PBX3: variants seen among roughly 807,000 people sequenced by gnomAD.
PBX3 encodes PBX homeobox 3.
Under a neutral mutation model 48.5 loss-of-function variants are expected in PBX3, and 14 were observed. The ratio of observed to expected loss-of-function variants is 0.29; its 90% CI spans 0.19 to 0.45. The LOEUF (loss-of-function observed/expected upper bound fraction) is 0.45, where lower values mean the gene tolerates loss of function less well. PBX3 is among the 20% of genes least tolerant of loss of function. PBX3 has a pLI of 1.00. For synonymous variants in PBX3, 210 were observed against 200.3 expected (o/e 1.05, Z -0.41); for missense variants, 386 against 546.7 (o/e 0.71, Z 2.93).
chr9:125,843,905 T>C (rs138967507), intron 2 of PBX3: 1 of 428,056 alleles, frequency 2.3e-6, no homozygotes, highest in African/African-American at 2.0e-5. Flanking sequence ...TAATGTAGTA[T>C]GGAGAGATGA....
Position 125,825,595 on chromosome 9 carries a change from T to G in PBX3, c.274+76972T>G, listed in dbSNP as rs971703890. Among the ~76,000 whole-genome samples, 55 of 152,270 alleles carry G rather than the reference T, an allele frequency of 3.6e-4. 1 individual carries two copies. Among genetic ancestry groups the G allele is most frequent in the African/African-American group, 1.3e-3 (53 of 41,558 alleles). ...ATGCTTCACGTAGCCTGTTGTCAACTTCATTGTATACTCATGAACAAATTA... is the reference window on the plus strand; with the variant it reads ...ATGCTTCACGTAGCCTGTTGTCAACGTCATTGTATACTCATGAACAAATTA... On this transcript the variant is annotated intron_variant, in intron 2 of 8. Coordinates refer to ENST00000373489, the MANE Select transcript of PBX3 (RefSeq NM_006195.6).
chr9:125,931,701 C>G (rs944414120), intron 4 of PBX3, among the ~76,000 whole-genome samples: 10 of 152,092 alleles, frequency 6.6e-5, no homozygotes, highest in African/African-American at 2.4e-4. Flanking sequence ...CCCAATTGAG[C>G]TTATATTCTA....
At chr9:125,920,825 C>T (rs1056023910) in intron 3 of PBX3, among the ~76,000 whole-genome samples, 2 of 152,120 alleles carry the variant, frequency 1.3e-5, no homozygotes, top group Non-Finnish European at 2.9e-5. Context: ...AATCAGGTAG[C>T]GTTTGGCTAC....
At chr9:125,961,588 G>A (rs990175878) in intron 6 of PBX3, among the ~76,000 whole-genome samples, 6 of 152,184 alleles carry the variant, frequency 3.9e-5, no homozygotes, top group Non-Finnish European at 7.3e-5. Context: ...CAGAAAGTAG[G>A]GGGGTTTTTG....
intron 2 of PBX3, among the ~76,000 whole-genome samples, chr9:125,876,802 C>CTTTTTT (rs59596389): frequency 7.8e-6 from 1 of 128,972 alleles, no homozygotes; most frequent in Non-Finnish European, 1.7e-5. Context: ...TTCTTTCTTT[C>CTTTTTT]TTTTTTTTTT....
chr9:125,899,483 A>C (rs910664544), intron 2 of PBX3, among the ~76,000 whole-genome samples: 13 of 143,968 alleles, frequency 9.0e-5, no homozygotes, highest in African/African-American at 2.9e-4. Context: ...AGAGAGAGAG[A>C]GAGAGCTCAC....
chr9:125,811,210 G>A (rs1305975213), intron 2 of PBX3, among the ~76,000 whole-genome samples: 1 of 152,196 alleles, frequency 6.6e-6, no homozygotes, highest in Non-Finnish European at 1.5e-5. Context: ...GTTAGCATAT[G>A]GAAAATCAGT....
intron 2 of PBX3, among the ~76,000 whole-genome samples, chr9:125,813,487 C>T (rs528905305): frequency 1.3e-5 from 2 of 152,172 alleles, no homozygotes; most frequent in East Asian, 1.9e-4. Flanking sequence ...GTCATTTAAA[C>T]GCATCAAGAT....
At chr9:125,819,610 A>G (rs1162435341) in intron 2 of PBX3, among the ~76,000 whole-genome samples, 1 of 152,196 alleles carries the variant, frequency 6.6e-6, no homozygotes, top group Non-Finnish European at 1.5e-5. Context: ...TACTACTGAT[A>G]TCTTCCCTGC....
chr9:125,836,337 T>G (rs1478996323), intron 2 of PBX3, among the ~76,000 whole-genome samples: 1 of 151,902 alleles, frequency 6.6e-6, no homozygotes, highest in Non-Finnish European at 1.5e-5. Flanking sequence ...CCCAGCTACT[T>G]GGGAGCCTGA....
chr9:125,907,959 G>T (rs1841115178), intron 2 of PBX3, among the ~76,000 whole-genome samples: 1 of 152,092 alleles, frequency 6.6e-6, no homozygotes, highest in South Asian at 2.1e-4. Flanking sequence ...TCAAATGAGA[G>T]AGATCATGTG....
At chr9:125,913,835 G>C (rs1490422427) in intron 2 of PBX3, among the ~76,000 whole-genome samples, 1 of 152,056 alleles carries the variant, frequency 6.6e-6, no homozygotes, top group Non-Finnish European at 1.5e-5. Context: ...ACAAAACTGT[G>C]GGCAAAAATT....
chr9:125,770,170 T>C (rs987719242), intron 2 of PBX3, among the ~76,000 whole-genome samples: 9 of 152,150 alleles, frequency 5.9e-5, no homozygotes, highest in African/African-American at 1.9e-4. Flanking sequence ...AGAGTCTTTA[T>C]AGCCTATGCT....
intron 2 of PBX3, among the ~76,000 whole-genome samples, chr9:125,791,555 C>T (rs78071368): frequency 0.027 from 4,077 of 152,234 alleles, 212 homozygotes; most frequent in African/African-American, 0.092. Flanking sequence ...AGCACCTCCC[C>T]CTGCCCTCTC....
chr9:125,859,355 C>G (rs1839803976), intron 2 of PBX3, among the ~76,000 whole-genome samples: 1 of 152,080 alleles, frequency 6.6e-6, no homozygotes, highest in Non-Finnish European at 1.5e-5. Flanking sequence ...CCTTCTTTTG[C>G]CATTGATATG....
At chr9:125,906,962 AC>A (rs1388731244) in intron 2 of PBX3, among the ~76,000 whole-genome samples, 1 of 152,020 alleles carries the variant, frequency 6.6e-6, no homozygotes, top group Admixed American at 6.6e-5. Flanking sequence ...GAACAAATCA[AC>A]AGCACCATTT....
At chr9:125,789,056 C>G (rs991209628) in intron 2 of PBX3, among the ~76,000 whole-genome samples, 8 of 152,122 alleles carry the variant, frequency 5.3e-5, no homozygotes, top group African/African-American at 1.9e-4. Flanking sequence ...TTTGCTTTCA[C>G]TCAACACTTA....
intron 2 of PBX3, among the ~76,000 whole-genome samples, chr9:125,762,782 A>C (rs953572390): frequency 3.3e-5 from 5 of 152,250 alleles, no homozygotes; most frequent in Non-Finnish European, 5.9e-5. Flanking sequence ...GCAGATGTAA[A>C]TGTCTAAAAC....
At chr9:125,868,470 G>T (rs1195721545) in intron 2 of PBX3, among the ~76,000 whole-genome samples, 1 of 152,212 alleles carries the variant, frequency 6.6e-6, no homozygotes, top group Non-Finnish European at 1.5e-5. Context: ...GCATGGCTGA[G>T]CCAGCGTAGT....
Sources: gnomAD v4.1 joint callset for allele counts (sites outside exome capture counted in the v4.1 genomes callset) on GRCh38, gnomAD v4.1.1 for gene constraint, MANE v1.5 for transcripts, NCBI Gene and HGNC (gene_info 2026-07-23, HGNC 2026-07-21) for gene names.